Variants in CPEB4 observed in about 807,000 individuals in gnomAD.
The protein encoded by CPEB4 is cytoplasmic polyadenylation element binding protein 4, also known as cytoplasmic polyadenylation element-binding protein 4.
Under a neutral mutation model 72.5 loss-of-function variants are expected in CPEB4, and 12 were observed. That is an observed-to-expected ratio of 0.17 (90% CI 0.11 to 0.27). The LOEUF (loss-of-function observed/expected upper bound fraction) is 0.27. Ranked by LOEUF, CPEB4 falls within the 10% of genes least tolerant of loss-of-function variation. The pLI is 1.00. For missense variants in CPEB4, 614 were observed against 908.5 expected (o/e 0.68, Z 4.17); for synonymous variants, 302 against 326.3 (o/e 0.93, Z 0.80).
intron 2 of CPEB4, among the ~76,000 whole-genome samples, chr5:173,916,221 G>A (rs1756861763): frequency 6.6e-6 from 1 of 152,276 alleles, no homozygotes. Flanking sequence ...TTTGAATAGT[G>A]TGAAAATGGA....
chr5:173,890,864 A>T lies in CPEB4; in HGVS notation c.1125+6A>T, dbSNP rs1466571599. On this transcript the variant is annotated splice_donor_region_variant and intron_variant, in intron 1 of 9. Coordinates refer to ENST00000265085, the MANE Select transcript of CPEB4 (RefSeq NM_030627.4). ...ACAACATTTTTCCTTTTCCGGTAAG[A>T]TTATGTTCCATTAATAGATTAGGAT... 2 of 1,596,388 alleles carry T rather than the reference A, an allele frequency of 1.3e-6. No individual in the cohort carries two copies. Among genetic ancestry groups the T allele is most frequent in the African/African-American group, 1.3e-5 (1 of 74,562 alleles).
Position 173,918,484 on chromosome 5 carries a change from T to G in CPEB4, c.1207+7880T>G, listed in dbSNP as rs359415. On this transcript the variant is annotated intron_variant, in intron 2 of 9. Coordinates refer to ENST00000265085, the MANE Select transcript of CPEB4 (RefSeq NM_030627.4). ...TTTGGGGTTGCTGTTGTTTTTGTCTTTGGGTTTTTATAAGGCGGGGAGGGT... is the reference window on the plus strand; with the variant it reads ...TTTGGGGTTGCTGTTGTTTTTGTCTGTGGGTTTTTATAAGGCGGGGAGGGT... 5.7e-3 allele frequency among the ~76,000 whole-genome samples: 872 copies of G among 152,222 alleles called. 5 individuals are homozygous for G. Among genetic ancestry groups the G allele is most frequent in the African/African-American group, 0.018 (755 of 41,530 alleles).
intron 3 of CPEB4, among the ~76,000 whole-genome samples, chr5:173,935,612 T>C (rs1401398634): frequency 1.3e-5 from 2 of 152,228 alleles, no homozygotes; most frequent in Admixed American, 1.3e-4. Context: ...GTTTATTCTC[T>C]TTCTCACATG....
chr5:173,951,484 T>C (rs1309738959), intron 7 of CPEB4, among the ~76,000 whole-genome samples: 1 of 152,190 alleles, frequency 6.6e-6, no homozygotes, highest in African/African-American at 2.4e-5. Context: ...TTGGATACCA[T>C]GCTAAAAATT....
intron 4 of CPEB4, among the ~76,000 whole-genome samples, chr5:173,943,787 A>C (rs1757927646): frequency 6.6e-6 from 1 of 152,220 alleles, no homozygotes; most frequent in African/African-American, 2.4e-5. Flanking sequence ...TAAAAAATAT[A>C]CTGTTATTAT....
At position 173,939,885 on chromosome 5, in the gene CPEB4, G is replaced by T. The variant is rs376266654; in HGVS notation, c.1259-3141G>T. On this transcript the variant is annotated intron_variant, in intron 3 of 9. Coordinates refer to ENST00000265085, the MANE Select transcript of CPEB4 (RefSeq NM_030627.4). ...CTAGCACTTTGGGAGGCTGAAGTGG[G>T]CAGATTGCCTGAGCTCGGGGGTTTG... Among the ~76,000 whole-genome samples the T allele has an allele frequency of 6.0e-5, 9 of 150,846 alleles. No homozygotes were observed. In the East Asian group the frequency reaches 7.8e-4, roughly 13 times the overall value.
At chr5:173,893,351 A>G (rs1755884980) in intron 1 of CPEB4, among the ~76,000 whole-genome samples, 1 of 152,132 alleles carries the variant, frequency 6.6e-6, no homozygotes, top group African/African-American at 2.4e-5. Context: ...ACTTGCAGGC[A>G]CGTGCCTGTA....
Position 173,952,017 on chromosome 5 carries a change from A to G in CPEB4, c.1780+79A>G. 3 of 912,880 alleles carry G rather than the reference A, an allele frequency of 3.3e-6. No individual in the cohort carries two copies. In the South Asian group the frequency reaches 4.2e-5, roughly 13 times the overall value. The allele number at this position is 912,880 out of a possible 1,614,324, so 56.5% of individuals were successfully genotyped here. A position where few individuals can be genotyped will look rare whatever the true frequency, so the allele number is the denominator to read the frequency against. ...ATCTTCAGGATAAATTTTTCCTAAG[A>G]ATTGGAGTTAATATCCAAGAGTGAG... On this transcript the variant is annotated intron_variant, in intron 8 of 9. Coordinates refer to ENST00000265085, the MANE Select transcript of CPEB4 (RefSeq NM_030627.4).
intron 1 of CPEB4, among the ~76,000 whole-genome samples, chr5:173,896,063 T>C (rs956716631): frequency 6.6e-6 from 1 of 152,218 alleles, no homozygotes; most frequent in African/African-American, 2.4e-5. Context: ...AATTAACATA[T>C]GCCTAGGTTT....
Position 173,950,038 on chromosome 5 carries a change from T to G in CPEB4, c.1625T>G (p.Leu542Arg). The G allele has an allele frequency of 6.2e-7, 1 of 1,611,616 alleles. No homozygotes were observed. Among genetic ancestry groups the G allele is most frequent in the Non-Finnish European group, 8.5e-7 (1 of 1,178,804 alleles). Reference protein sequence around the residue: ...IDACIEEDGKLYLCVSSPTIK... With the variant: ...IDACIEEDGKRYLCVSSPTIK... ...GCATGCATTGAAGAAGATGGAAAAC[T>G]CTACCTTTGTGTATCAAGTCCCACT... Residue 542 changes from leucine to arginine, a missense_variant, in exon 7 of 10, where the codon CTC (leucine) becomes CGC (arginine). This residue lies in a region of CPEB4 where 23 missense variants were observed against 21.8 expected (regional missense o/e 1.05). Coordinates refer to ENST00000265085, the MANE Select transcript of CPEB4 (RefSeq NM_030627.4). The surrounding 1 kb of genome is among the most constrained non-coding windows in gnomAD (Gnocchi z 5.0).
At chr5:173,927,283 T>C (rs17076706) in intron 2 of CPEB4, among the ~76,000 whole-genome samples, 16,199 of 152,294 alleles carry the variant, frequency 0.11, 1,075 homozygotes, top group Middle Eastern at 0.21. Context: ...TACTGGTGTT[T>C]TGAGTTCAGT....
At chr5:173,893,574 A>G (rs78065876) in intron 1 of CPEB4, among the ~76,000 whole-genome samples, 7 of 127,390 alleles carry the variant, frequency 5.5e-5, no homozygotes, top group South Asian at 3.3e-4. Context: ...CTCACAGGGG[A>G]AAAAAAAAGA....
At chr5:173,918,373 C>T (rs1434204102) in intron 2 of CPEB4, 1 of 152,156 alleles carries the variant, frequency 6.6e-6, no homozygotes, top group Non-Finnish European at 1.5e-5. Flanking sequence ...TACTTTTGAT[C>T]CGGATTTGTT....
intron 1 of CPEB4, among the ~76,000 whole-genome samples, chr5:173,893,922 T>G (rs1487203517): frequency 6.6e-6 from 1 of 152,230 alleles, no homozygotes; most frequent in African/African-American, 2.4e-5. Context: ...TAAAAGGTGT[T>G]TCTAAGTTAT....
Position 173,890,176 on chromosome 5 carries a change from C to A in CPEB4, c.443C>A (p.Ala148Asp), listed in dbSNP as rs1384040687. ...TTGACAGGGTTTGATTATCAAGAAG[C>A]CACTGGGCTAGGTACTTCAACCCAA... ...PVLTGFDYQE[A>D]TGLGTSTQPL... Residue 148 changes from alanine (A) to aspartate (D), a missense_variant, in exon 1 of 10, where the codon GCC becomes GAC. This residue lies in a region of CPEB4 where 458 missense variants were observed against 548.6 expected (regional missense o/e 0.83). Transcript: ENST00000265085. 6.2e-7 allele frequency: 1 copy of A among 1,614,072 alleles called. No homozygotes were observed. Among genetic ancestry groups the A allele is most frequent in the Admixed American group, 1.7e-5 (1 of 60,028 alleles).
At chr5:173,922,556 G>A (rs1757109472) in intron 2 of CPEB4, among the ~76,000 whole-genome samples, 2 of 152,182 alleles carry the variant, frequency 1.3e-5, no homozygotes, top group African/African-American at 4.8e-5. Context: ...CAATTTAGGA[G>A]ATGGTACAAA....
intron 1 of CPEB4, among the ~76,000 whole-genome samples, chr5:173,903,762 T>G (rs1478895740): frequency 6.6e-6 from 1 of 152,234 alleles, no homozygotes; most frequent in Non-Finnish European, 1.5e-5. Flanking sequence ...TGGAATGTCA[T>G]GAAAAGCCTT....
rs1472919164 is a variant in CPEB4, at chr5:173,950,238, T to A, written c.1665+160T>A. 1.3e-5 allele frequency among the ~76,000 whole-genome samples: 2 copies of A among 152,264 alleles called. No individual in the cohort carries two copies. Among genetic ancestry groups the A allele is most frequent in the Non-Finnish European group, 2.9e-5 (2 of 68,048 alleles). Reference sequence around the variant, plus strand: ...TGTGAAGTTCTTAACATTGACATTCTGTGTATTTGCACATCTCAATTTGAC... The same window carrying A: ...TGTGAAGTTCTTAACATTGACATTCAGTGTATTTGCACATCTCAATTTGAC... On this transcript the variant is annotated intron_variant, in intron 7 of 9. Transcript: ENST00000265085. The surrounding 1 kb of genome is among the most constrained non-coding windows in gnomAD (Gnocchi z 5.0).
chr5:173,897,418 A>T (rs188353917), intron 1 of CPEB4, among the ~76,000 whole-genome samples: 2 of 152,348 alleles, frequency 1.3e-5, no homozygotes, highest in East Asian at 1.9e-4. Context: ...CCTGGAATCA[A>T]GAGTTTTTAA....
Sources: allele counts gnomAD v4.1 joint callset (sites outside exome capture counted in the v4.1 genomes callset), GRCh38; gene constraint gnomAD v4.1.1; regional missense constraint gnomAD v4.1.1; non-coding constraint Gnocchi (gnomAD v3.1); transcripts MANE v1.5; gene names NCBI Gene and HGNC (gene_info 2026-07-23, HGNC 2026-07-21).